The following MYO5C variants were observed in gnomAD, a reference collection of about 807,000 sequenced individuals.
MYO5C encodes unconventional myosin-Vc.
MYO5C carries 194 observed loss-of-function variants against 235.7 expected under a neutral mutation model. That is an observed-to-expected ratio of 0.82 (90% CI 0.73 to 0.93). The LOEUF is 0.93. Among genes scored for constraint, MYO5C ranks in the 40% least tolerant of loss-of-function variants. The pLI is 0.00. For synonymous variants in MYO5C, 707 were observed against 754.8 expected (o/e 0.94, Z 1.04); for missense variants, 2,038 against 2,127.2 (o/e 0.96, Z 0.82).
At position 52,253,167 on chromosome 15, in the gene MYO5C, C is replaced by T. The variant is rs1033533619; in HGVS notation, c.1536+150G>A. The T allele has an allele frequency of 1.7e-5, 14 of 827,102 alleles. No homozygotes were observed. In the African/African-American group the frequency reaches 2.2e-4, roughly 13 times the overall value. 51.2% of individuals were successfully genotyped at this position (827,102 alleles called of 1,614,324 possible). A position where few individuals can be genotyped will look rare whatever the true frequency, so the allele number is the denominator to read the frequency against. ...AGGCCCAGTGGGCCCTCTGGGGTCC[C>T]TGCTGTGGATGCTGTCCCAGCATTA... On this transcript the variant is annotated intron_variant, in intron 12 of 40. Transcript: ENST00000261839.
At chr15:52,229,041 C>T (rs2035891205) in intron 25 of MYO5C, 92 bp downstream of exon 25, 3 of 1,498,986 alleles carry the variant, frequency 2.0e-6, no homozygotes, top group Admixed American at 3.7e-5. Context: ...GGCCTTTACA[C>T]AGATGCTTTT....
At chr15:52,218,103 C>A (rs1371382843) in intron 32 of MYO5C, among the ~76,000 whole-genome samples, 4 of 152,182 alleles carry the variant, frequency 2.6e-5, no homozygotes, top group African/African-American at 4.8e-5. Flanking sequence ...CATAGAAGAA[C>A]ATTTTGACTC....
Position 52,244,420 on chromosome 15 carries a change from AT to A in MYO5C, c.2325del (p.Lys775AsnfsTer10). 1 of 1,613,970 alleles carries A rather than the reference AT, an allele frequency of 6.2e-7. No homozygotes were observed. On this transcript the variant is annotated frameshift_variant, in exon 19 of 41. Transcript: ENST00000261839. LOFTEE classifies it high-confidence loss of function. ...KHMRGWLQRK[K>X]FLRERRAALI... is the part of the protein sequence containing the mutation. ...AGGGCGGCTCGTCTCTCTCGGAGGA[AT>A]TTTTTCCTCTGGAGCCAGCCACGCA... is the stretch of plus-strand genomic sequence containing the variant.
chr15:52,253,110 C>T (rs140942208), intron 12 of MYO5C, among the ~76,000 whole-genome samples: 1 of 152,300 alleles, frequency 6.6e-6, no homozygotes, highest in African/African-American at 2.4e-5. Context: ...GGTGCAGCTC[C>T]CCAAGCGTGG....
intron 28 of MYO5C, among the ~76,000 whole-genome samples, chr15:52,224,111 C>T (rs543704487): frequency 6.6e-5 from 10 of 152,194 alleles, no homozygotes; most frequent in East Asian, 1.9e-4. Flanking sequence ...GGTGAAATCC[C>T]GTCTCTACTA....
intron 5 of MYO5C, 55 bp downstream of exon 5, chr15:52,275,507 A>G (rs1333376510): frequency 6.8e-6 from 11 of 1,608,004 alleles, no homozygotes; most frequent in Non-Finnish European, 8.5e-6. Flanking sequence ...CACACAAACC[A>G]ACCAACCCCC....
rs1350958538 is a variant in MYO5C, at chr15:52,233,147, C to T, written c.2963-462G>A. 1.3e-3 allele frequency among the ~76,000 whole-genome samples: 53 copies of T among 41,290 alleles called. 14 individuals are homozygous for T. Among genetic ancestry groups the T allele is most frequent in the African/African-American group, 1.9e-3 (45 of 23,358 alleles). 27.1% of individuals were successfully genotyped at this position (41,290 alleles called of 152,430 possible). A position where few individuals can be genotyped will look rare whatever the true frequency, so the allele number is the denominator to read the frequency against. Reference sequence around the variant, plus strand: ...ACAAAAAATTAGCCGGGCGTAGTGGCGGGCGCCTGTAGTCCCAGCTACTTG... The same window carrying T: ...ACAAAAAATTAGCCGGGCGTAGTGGTGGGCGCCTGTAGTCCCAGCTACTTG... On this transcript the variant is annotated intron_variant, in intron 23 of 40. Coordinates refer to ENST00000261839, the MANE Select transcript of MYO5C (RefSeq NM_018728.4).
At chr15:52,206,161 C>T (rs531065814) in intron 36 of MYO5C, among the ~76,000 whole-genome samples, 195 bp from the exon 37 acceptor site, 2 of 152,152 alleles carry the variant, frequency 1.3e-5, no homozygotes, top group African/African-American at 4.8e-5. Flanking sequence ...GTCTATCACA[C>T]TGTCATTGTC....
At chr15:52,294,349 G>A (rs921262307) in intron 1 of MYO5C, among the ~76,000 whole-genome samples, 3 of 152,196 alleles carry the variant, frequency 2.0e-5, no homozygotes, top group African/African-American at 7.2e-5. Context: ...CAGTCTCACT[G>A]GTGAAAATAT....
In MYO5C at chr15:52,211,778, C is replaced by T. The variant is rs1566963302; in HGVS notation, c.4248G>A (p.Leu1416=). The change falls in exon 35 of 41, where the codon CTG becomes CTA. Residue 1416 remains leucine, a synonymous_variant. Transcript: ENST00000261839. ...YADSLNDANM[L]KSLMNSTING... ...TAATGGTGCTGTTCATGAGGGACTT[C>T]AGCATGTTGGCATCATTCAGAGAGT... 1 of 1,614,062 alleles carries T rather than the reference C, an allele frequency of 6.2e-7. No homozygotes were observed. The highest frequency in any genetic ancestry group is 8.5e-7 in the Non-Finnish European group (1 of 1,180,020).
chr15:52,222,543 G>A (rs935210076), intron 29 of MYO5C, among the ~76,000 whole-genome samples: 1 of 152,046 alleles, frequency 6.6e-6, no homozygotes. Flanking sequence ...GAGACACTGA[G>A]TAAGATGAGG....
chr15:52,224,996 A>C lies in MYO5C; in HGVS notation c.3366-15T>G. On this transcript the variant is annotated splice_polypyrimidine_tract_variant and intron_variant, in intron 27 of 40. Transcript: ENST00000261839. ...CCACAGAGAGCCTGCAAAATAAGGA[A>C]GATAAGAAAATCTATCATCTCTGTC... 6.2e-7 allele frequency: 1 copy of C among 1,613,876 alleles called. No individual in the cohort carries two copies. Among genetic ancestry groups the C allele is most frequent in the South Asian group, 1.1e-5 (1 of 91,074 alleles).
intron 39 of MYO5C, among the ~76,000 whole-genome samples, chr15:52,195,729 C>T (rs1233316491): frequency 2.0e-5 from 3 of 152,090 alleles, no homozygotes; most frequent in African/African-American, 4.8e-5. Flanking sequence ...CCTCCACATA[C>T]ACATTTGTGA....
chr15:52,283,663 G>C (rs1005841189), intron 1 of MYO5C, among the ~76,000 whole-genome samples: 4 of 152,100 alleles, frequency 2.6e-5, no homozygotes, highest in Non-Finnish European at 5.9e-5. Context: ...TGAGGGTAAG[G>C]CGCTGACCCA....
chr15:52,252,603 G>C (rs1278622546), intron 12 of MYO5C, among the ~76,000 whole-genome samples: 1 of 151,922 alleles, frequency 6.6e-6, no homozygotes, highest in African/African-American at 2.4e-5. Context: ...GTGAAACCCC[G>C]TCTCTACCAA....
chr15:52,232,064 A>C (rs2035962455), intron 24 of MYO5C, among the ~76,000 whole-genome samples: 1 of 151,722 alleles, frequency 6.6e-6, no homozygotes, highest in Non-Finnish European at 1.5e-5. Flanking sequence ...AGGTGGTGGT[A>C]GTCTCTGAAT....
At chr15:52,253,294 A>G in intron 12 of MYO5C, 23 bp downstream of exon 12, 1 of 1,594,646 alleles carries the variant, frequency 6.3e-7, no homozygotes, top group East Asian at 2.2e-5. Context: ...AAGCTGAAAA[A>G]AACAATTATT....
At chr15:52,244,800 G>A (rs1224999574) in intron 18 of MYO5C, among the ~76,000 whole-genome samples, 1 of 152,160 alleles carries the variant, frequency 6.6e-6, no homozygotes, top group Non-Finnish European at 1.5e-5. Flanking sequence ...GGTGAGAAGG[G>A]GAGTGAGTGT....
intron 25 of MYO5C, among the ~76,000 whole-genome samples, chr15:52,228,278 G>A (rs2035873755): frequency 6.6e-6 from 1 of 151,986 alleles, no homozygotes; most frequent in African/African-American, 2.4e-5. Flanking sequence ...TGAGTAGCTG[G>A]GATTACAGGC....
Sources: allele counts gnomAD v4.1 joint callset (sites outside exome capture counted in the v4.1 genomes callset), GRCh38; gene constraint gnomAD v4.1.1; transcripts MANE v1.5; gene names NCBI Gene and HGNC (gene_info 2026-07-23, HGNC 2026-07-21).